The following RAB12 variants were observed in gnomAD, a reference collection of about 807,000 sequenced individuals.
The protein encoded by RAB12 is RAB12, member RAS oncogene family, also known as ras-related protein Rab-12.
A neutral mutation model predicts 28.4 loss-of-function variants in RAB12; 11 were observed. That is an observed-to-expected ratio of 0.39 (90% CI 0.24 to 0.64). The LOEUF (loss-of-function observed/expected upper bound fraction) is 0.64, where lower values mean the gene tolerates loss of function less well. RAB12 is among the 30% of genes least tolerant of loss of function. RAB12 has a pLI of 0.50. For missense variants in RAB12, 276 were observed against 351.1 expected (o/e 0.79, Z 1.71); for synonymous variants, 138 against 145.3 (o/e 0.95, Z 0.36).
At position 8,638,876 on chromosome 18, in the gene RAB12, A is replaced by C. The variant is rs961277843; in HGVS notation, c.*614A>C. 1 of 152,348 alleles carries C rather than the reference A, an allele frequency of 6.6e-6. No individual in the cohort carries two copies. The highest frequency in any genetic ancestry group is 6.5e-5 in the Admixed American group (1 of 15,284). The allele number at this position is 152,348 out of a possible 1,614,324, so 9.4% of individuals were successfully genotyped here. A position where few individuals can be genotyped will look rare whatever the true frequency, so the allele number is the denominator to read the frequency against. On this transcript the variant is annotated 3_prime_UTR_variant, in exon 6 of 6. Coordinates refer to ENST00000649141, the MANE Select transcript of RAB12 (RefSeq NM_001025300.3). ...TTTGACTTGGTCCTAAGGCCACAGA[A>C]TCTCTCTCATGGCTTCCTAAGGGAT...
chr18:8,625,477 C>T (rs113391319), intron 2 of RAB12, among the ~76,000 whole-genome samples: 62 of 152,260 alleles, frequency 4.1e-4, no homozygotes, highest in Non-Finnish European at 6.9e-4. Flanking sequence ...ATACTCCTTC[C>T]GGCTGTACTG....
rs367637160 is a variant in RAB12 at position 8,637,928 on chromosome 18, T to TGAG, written c.910-201_910-199dup. On this transcript the variant is annotated intron_variant, in intron 5 of 5. Coordinates refer to ENST00000649141, the MANE Select transcript of RAB12 (RefSeq NM_001025300.3). ...TGTGTCATCTTCACATTGAGTAGGC[T>TGAG]GAGGAGGAGGAGGAGGAGGAGGGAT... is the stretch of plus-strand genomic sequence containing the variant. 8.8e-3 allele frequency among the ~76,000 whole-genome samples: 1,339 copies of TGAG among 151,412 alleles called. 17 individuals carry two copies. The highest frequency in any genetic ancestry group is 0.031 in the African/African-American group (1,262 of 41,360).
At chr18:8,618,549 C>G (rs369208911) in intron 1 of RAB12, among the ~76,000 whole-genome samples, 16 of 151,706 alleles carry the variant, frequency 1.1e-4, no homozygotes, top group Admixed American at 6.6e-4. Flanking sequence ...TTGCTCTGTC[C>G]CCCAGGCTGG....
At chr18:8,622,107 G>A (rs911408148) in intron 1 of RAB12, among the ~76,000 whole-genome samples, 1 of 152,156 alleles carries the variant, frequency 6.6e-6, no homozygotes, top group Admixed American at 6.5e-5. Flanking sequence ...GAAAACTGTA[G>A]TCAAAACAAA....
rs994031596 is a variant in RAB12, at chr18:8,639,070, C to T, written c.*808C>T. The stretch of plus-strand genomic sequence containing the variant: ...AAGAACATACGTGTATTTGCCTAAA[C>T]ACTCTGTACCTTTGTAATGATAAAA... On this transcript the variant is annotated 3_prime_UTR_variant, in exon 6 of 6. Coordinates refer to ENST00000649141, the MANE Select transcript of RAB12 (RefSeq NM_001025300.3). 3 of 144,690 alleles carry T rather than the reference C, an allele frequency of 2.1e-5. No individual in the cohort carries two copies. The highest frequency in any genetic ancestry group is 7.0e-5 in the Admixed American group (1 of 14,220). The allele number at this position is 144,690 out of a possible 1,614,324, so 9.0% of individuals were successfully genotyped here.
chr18:8,629,637 T>C (rs1212062492), intron 2 of RAB12, among the ~76,000 whole-genome samples: 1 of 152,250 alleles, frequency 6.6e-6, no homozygotes, highest in Admixed American at 6.5e-5. Flanking sequence ...CTTCACTTTA[T>C]GTGGAAATGA....
chr18:8,613,734 G>C (rs745648974), intron 1 of RAB12, among the ~76,000 whole-genome samples: 3 of 152,126 alleles, frequency 2.0e-5, no homozygotes, highest in African/African-American at 4.8e-5. Context: ...AAACACTAGA[G>C]TAAGAATAAG....
chr18:8,624,317 A>C (rs1298453779), intron 1 of RAB12, among the ~76,000 whole-genome samples: 1 of 152,258 alleles, frequency 6.6e-6, no homozygotes, highest in African/African-American at 2.4e-5. Flanking sequence ...TTACAGGCTA[A>C]ATTGAAAAGG....
At position 8,638,330 on chromosome 18, in the gene RAB12, C is replaced by T; in HGVS notation, c.*68C>T. On this transcript the variant is annotated 3_prime_UTR_variant, in exon 6 of 6. Coordinates refer to ENST00000649141, the MANE Select transcript of RAB12 (RefSeq NM_001025300.3). ...GGAAAAAACGTTCTATTCTGCACTACAATCATTTTGACAATTTCCTTTCGC... is the reference window on the plus strand; with the variant it reads ...GGAAAAAACGTTCTATTCTGCACTATAATCATTTTGACAATTTCCTTTCGC... 1 of 1,093,544 alleles carries T rather than the reference C, an allele frequency of 9.1e-7. No homozygotes were observed. Among genetic ancestry groups the T allele is most frequent in the Non-Finnish European group, 1.4e-6 (1 of 721,734 alleles). 67.7% of individuals were successfully genotyped at this position (1,093,544 alleles called of 1,614,324 possible). A position where few individuals can be genotyped will look rare whatever the true frequency, so the allele number is the denominator to read the frequency against.
At chr18:8,627,988 GA>G (rs2096013803) in intron 2 of RAB12, among the ~76,000 whole-genome samples, 1 of 152,200 alleles carries the variant, frequency 6.6e-6, no homozygotes, top group African/African-American at 2.4e-5. Context: ...TGGGAAAACA[GA>G]ATTGCAGGAA....
At chr18:8,624,135 G>A (rs1453046558) in intron 1 of RAB12, among the ~76,000 whole-genome samples, 2 of 152,254 alleles carry the variant, frequency 1.3e-5, no homozygotes, top group East Asian at 3.8e-4. Context: ...AGTCGTTCCT[G>A]TAGGGAAGGT....
At chr18:8,617,428 TTAA>T (rs2096007292) in intron 1 of RAB12, among the ~76,000 whole-genome samples, 1 of 152,120 alleles carries the variant, frequency 6.6e-6, no homozygotes, top group Non-Finnish European at 1.5e-5. Flanking sequence ...GAAGAAAATG[TTAA>T]TAATCCACTG....
At chr18:8,611,918 T>C (rs1439224881) in intron 1 of RAB12, among the ~76,000 whole-genome samples, 2 of 152,216 alleles carry the variant, frequency 1.3e-5, no homozygotes, top group East Asian at 3.8e-4. Context: ...ACTCAGTGCG[T>C]GCTTCTAACT....
In RAB12 at chr18:8,609,758, G is replaced by C; in HGVS notation, c.319G>C (p.Ala107Pro). The change falls in exon 1 of 6, where the codon GCC becomes CCC. Residue 107 changes from alanine to proline, a missense_variant. Ala to Pro is a conservative substitution (Grantham distance 27). Transcript: ENST00000649141. ...MDPGAALQRRAGGGGGLGAGS... is the reference protein window; with the variant it reads ...MDPGAALQRRPGGGGGLGAGS... ...TCCGGGCGCCGCGCTGCAGAGGCGGGCCGGGGGCGGCGGCGGTCTGGGCGC... is the reference window on the plus strand; with the variant it reads ...TCCGGGCGCCGCGCTGCAGAGGCGGCCCGGGGGCGGCGGCGGTCTGGGCGC... The C allele has an allele frequency of 8.0e-7, 1 of 1,254,878 alleles. No homozygotes were observed. Among genetic ancestry groups the C allele is most frequent in the Non-Finnish European group, 1.0e-6 (1 of 1,000,148 alleles). The allele number at this position is 1,254,878 out of a possible 1,614,324, so 77.7% of individuals were successfully genotyped here.
At chr18:8,619,521 C>T (rs1328750670) in intron 1 of RAB12, among the ~76,000 whole-genome samples, 1 of 152,198 alleles carries the variant, frequency 6.6e-6, no homozygotes, top group Non-Finnish European at 1.5e-5. Context: ...AGAGTCAGGC[C>T]TTGTCTTAAC....
At chr18:8,636,392 A>T (rs553952443) in intron 5 of RAB12, 35 bp downstream of exon 5, 14 of 1,255,228 alleles carry the variant, frequency 1.1e-5, no homozygotes, top group Non-Finnish European at 1.6e-5. Context: ...AAAGTATATC[A>T]TCTGAAACCT....
At chr18:8,611,517 A>G (rs1355755391) in intron 1 of RAB12, among the ~76,000 whole-genome samples, 2 of 152,146 alleles carry the variant, frequency 1.3e-5, no homozygotes, top group African/African-American at 4.8e-5. Flanking sequence ...TAAGCCTGGC[A>G]GCAGTGGAGC....
chr18:8,627,393 A>G (rs1266931543), intron 2 of RAB12, among the ~76,000 whole-genome samples: 1 of 152,232 alleles, frequency 6.6e-6, no homozygotes, highest in Non-Finnish European at 1.5e-5. Flanking sequence ...GAAGAAGTGC[A>G]TTATTTACTA....
At chr18:8,622,087 T>C (rs1296435378) in intron 1 of RAB12, among the ~76,000 whole-genome samples, 1 of 152,174 alleles carries the variant, frequency 6.6e-6, no homozygotes, top group Non-Finnish European at 1.5e-5. Context: ...CAGACTCCAT[T>C]GTTAGCAGAG....
Sources: allele counts gnomAD v4.1 joint callset (sites outside exome capture counted in the v4.1 genomes callset), GRCh38; gene constraint gnomAD v4.1.1; transcripts MANE v1.5; gene names NCBI Gene and HGNC (gene_info 2026-07-23, HGNC 2026-07-21).